Variants in DCAF4 observed in about 807,000 individuals in gnomAD.
The protein encoded by DCAF4 is DDB1- and CUL4-associated factor 4.
DCAF4 carries 37 observed loss-of-function variants against 60.9 expected under a neutral mutation model. The observed-to-expected ratio is 0.61, with a 90% CI of 0.47 to 0.80. The LOEUF is 0.80. Ranked by LOEUF, DCAF4 falls within the 30% of genes least tolerant of loss-of-function variation. The pLI, the probability that DCAF4 is intolerant of heterozygous loss-of-function variation, is 0.00. For synonymous variants in DCAF4, 243 were observed against 254.8 expected (o/e 0.95, Z 0.44); for missense variants, 577 against 650.0 (o/e 0.89, Z 1.22).
chr14:72,945,500 G>A (rs2140258479), intron 6 of DCAF4, among the ~76,000 whole-genome samples: 1 of 149,242 alleles, frequency 6.7e-6, no homozygotes, highest in Non-Finnish European at 1.5e-5. Context: ...TAGTGCCTAT[G>A]TAATAGGAAC....
chr14:72,940,491 C>G, intron 4 of DCAF4, 114 bp downstream of exon 4: 1 of 1,124,238 alleles, frequency 8.9e-7, no homozygotes, highest in Non-Finnish European at 1.2e-6. Context: ...AGAGGCACTT[C>G]AGGGGGTGTG....
intron 12 of DCAF4, 85 bp downstream of exon 12, chr14:72,955,781 C>CA: frequency 1.6e-6 from 2 of 1,280,386 alleles, no homozygotes; most frequent in Non-Finnish European, 2.2e-6. Context: ...AAGAGGTCCT[C>CA]ACACCAAGAC....
intron 4 of DCAF4, 191 bp downstream of exon 4, chr14:72,940,568 C>A: frequency 1.9e-6 from 1 of 530,922 alleles, no homozygotes; most frequent in Admixed American, 4.0e-5. Context: ...TTCTTCCATC[C>A]CCGTTTTCTT....
intron 1 of DCAF4, among the ~76,000 whole-genome samples, chr14:72,929,109 G>C (rs1403792655): frequency 6.6e-6 from 1 of 152,042 alleles, no homozygotes; most frequent in Non-Finnish European, 1.5e-5. Flanking sequence ...TGGGTGTAGC[G>C]CACCCCGCCC....
chr14:72,940,011 G>T (rs184272030), intron 3 of DCAF4, 109 bp downstream of exon 3: 20 of 1,245,948 alleles, frequency 1.6e-5, no homozygotes, highest in Non-Finnish European at 2.1e-5. Flanking sequence ...CTCAGGGAAG[G>T]AGCTGGGTGC....
intron 1 of DCAF4, among the ~76,000 whole-genome samples, chr14:72,932,229 G>A (rs1026566105): frequency 2.0e-5 from 3 of 151,948 alleles, no homozygotes; most frequent in East Asian, 1.9e-4. Context: ...GACCTCAGGC[G>A]ATCTGCCTGC....
At chr14:72,948,276 C>T (rs958248926) in intron 8 of DCAF4, among the ~76,000 whole-genome samples, 1 of 152,152 alleles carries the variant, frequency 6.6e-6, no homozygotes, top group African/African-American at 2.4e-5. Flanking sequence ...CAGCCTAGAA[C>T]TCCTGGGCTC....
At chr14:72,962,088 T>C, downstream of DCAF4, 1 of 935,986 alleles carries the variant, frequency 1.1e-6, no homozygotes, top group Non-Finnish European at 1.3e-6. Flanking sequence ...TAAAAAAATT[T>C]GTGTCTCCAA....
chr14:72,934,012 T>C (rs1888920179), intron 1 of DCAF4, among the ~76,000 whole-genome samples: 1 of 152,198 alleles, frequency 6.6e-6, no homozygotes. Flanking sequence ...GCTCTAATCA[T>C]GTCACTCCTC....
At chr14:72,944,353 C>T (rs1450314422) in intron 6 of DCAF4, among the ~76,000 whole-genome samples, 1 of 152,166 alleles carries the variant, frequency 6.6e-6, no homozygotes, top group Non-Finnish European at 1.5e-5. Flanking sequence ...AAACTTACAA[C>T]GTTGGTACAG....
chr14:72,939,731 C>T, intron 2 of DCAF4, 71 bp from the exon 3 acceptor site: 2 of 1,362,958 alleles, frequency 1.5e-6, no homozygotes, highest in Non-Finnish European at 2.0e-6. Context: ...CCCGAATGGA[C>T]TCCCTGCCCC....
intron 1 of DCAF4, among the ~76,000 whole-genome samples, chr14:72,931,149 G>C (rs1353355608): frequency 6.6e-6 from 1 of 151,962 alleles, no homozygotes. Flanking sequence ...AATGGCATTT[G>C]GAATTTTGAT....
At chr14:72,940,421 C>T (rs1182678647) in intron 4 of DCAF4, 44 bp downstream of exon 4, 3 of 1,563,096 alleles carry the variant, frequency 1.9e-6, no homozygotes, top group Non-Finnish European at 2.6e-6. Context: ...CCGCTCCTGC[C>T]AGCACCTGTC....
rs780412154 is a variant in DCAF4 at position 72,937,928 on chromosome 14, C to T, written c.-8-43C>T. The T allele has an allele frequency of 2.8e-5, 43 of 1,532,780 alleles. No homozygotes were observed. In the East Asian group the frequency reaches 3.0e-4, roughly 11 times the overall value. 94.9% of individuals were successfully genotyped at this position (1,532,780 alleles called of 1,614,324 possible). A position where few individuals can be genotyped will look rare whatever the true frequency, so the allele number is the denominator to read the frequency against. The stretch of plus-strand genomic sequence containing the variant: ...AAGAAGCAAACAGAAAAGCCCATGC[C>T]CACACACAGAGATGTATGGATTTTT... On this transcript the variant is annotated intron_variant, in intron 1 of 13. Coordinates refer to ENST00000358377, the MANE Select transcript of DCAF4 (RefSeq NM_015604.4).
chr14:72,931,587 C>T (rs1021554582), intron 1 of DCAF4, among the ~76,000 whole-genome samples: 1 of 152,202 alleles, frequency 6.6e-6, no homozygotes, highest in African/African-American at 2.4e-5. Context: ...TGAGAACCAA[C>T]ATCTTTGTCT....
intron 6 of DCAF4, among the ~76,000 whole-genome samples, chr14:72,943,512 G>A (rs1302575847): frequency 6.6e-6 from 1 of 152,194 alleles, no homozygotes; most frequent in Non-Finnish European, 1.5e-5. Flanking sequence ...TTGGTCACTA[G>A]AGGGTAGGAC....
At chr14:72,948,658 G>A (rs766724522) in intron 8 of DCAF4, among the ~76,000 whole-genome samples, 9 of 152,172 alleles carry the variant, frequency 5.9e-5, no homozygotes, top group Non-Finnish European at 1.2e-4. Context: ...GGACTTAAAG[G>A]GATGGATGGT....
At chr14:72,931,710 T>C (rs1320638561) in intron 1 of DCAF4, among the ~76,000 whole-genome samples, 1 of 152,192 alleles carries the variant, frequency 6.6e-6, no homozygotes, top group Non-Finnish European at 1.5e-5. Context: ...CTGTTTCTAG[T>C]ATGTTGAATG....
At chr14:72,961,456 G>T (rs1892817480), downstream of DCAF4, among the ~76,000 whole-genome samples, 1 of 152,144 alleles carries the variant, frequency 6.6e-6, no homozygotes. Flanking sequence ...ATGATCCTTT[G>T]TACCATTTGG....
Sources: gnomAD v4.1 joint callset for allele counts (sites outside exome capture counted in the v4.1 genomes callset) on GRCh38, gnomAD v4.1.1 for gene constraint, MANE v1.5 for transcripts, NCBI Gene and HGNC (gene_info 2026-07-23, HGNC 2026-07-21) for gene names.